ADAMTSL3: variants seen among roughly 807,000 people sequenced by gnomAD.
ADAMTSL3 encodes the protein ADAMTS like 3.
A neutral mutation model predicts 201.7 loss-of-function variants in ADAMTSL3; 128 were observed. The observed-to-expected ratio is 0.63, with a 90% CI of 0.55 to 0.73. ADAMTSL3 has a LOEUF of 0.73. Ranked by LOEUF, ADAMTSL3 falls within the 30% of genes least tolerant of loss-of-function variation. The pLI is 0.00. For missense variants in ADAMTSL3, 1,990 were observed against 2,119.6 expected, an observed-to-expected ratio of 0.94 and a Z score of 1.20; for synonymous variants, 738 against 748.4, an observed-to-expected ratio of 0.99 and a Z score of 0.23.
At chr15:83,864,439 T>G (rs1029864858) in intron 8 of ADAMTSL3, among the ~76,000 whole-genome samples, 1 of 152,166 alleles carries the variant, frequency 6.6e-6, no homozygotes, top group Non-Finnish European at 1.5e-5. Flanking sequence ...TTCATCCCTG[T>G]GATGCAAGGC....
intron 23 of ADAMTSL3, among the ~76,000 whole-genome samples, chr15:84,003,156 G>A (rs893614211): frequency 4.6e-5 from 7 of 151,462 alleles, no homozygotes; most frequent in Non-Finnish European, 5.9e-5. Context: ...TCGCTGTGCT[G>A]CCAAGGCTGG....
chr15:83,687,120 C>T (rs2061547953), intron 2 of ADAMTSL3, among the ~76,000 whole-genome samples: 1 of 152,132 alleles, frequency 6.6e-6, no homozygotes, highest in Non-Finnish European at 1.5e-5. Context: ...GGGGGAGTCC[C>T]TTGAGCCCAG....
At chr15:83,884,175 G>C (rs1027635915) in intron 9 of ADAMTSL3, among the ~76,000 whole-genome samples, 2 of 152,084 alleles carry the variant, frequency 1.3e-5, no homozygotes, top group African/African-American at 4.8e-5. Context: ...TTATAGGCGT[G>C]AGCCACTGTG....
At chr15:83,994,825 G>T (rs776419732) in intron 23 of ADAMTSL3, among the ~76,000 whole-genome samples, 14 of 147,520 alleles carry the variant, frequency 9.5e-5, no homozygotes, top group Non-Finnish European at 1.6e-4. Flanking sequence ...GCCCAGGCTG[G>T]TCTCGAACTC....
In ADAMTSL3 at chr15:83,884,338, C is replaced by CCTTTTTTTTTTTTTTT. The variant is rs1305026027; in HGVS notation, c.961-763_961-762insCTTTTTTTTTTTTTTT. Among the ~76,000 whole-genome samples, 3 of 114,486 alleles carry CCTTTTTTTTTTTTTTT rather than the reference C, an allele frequency of 2.6e-5. 1 individual carries two copies. Among genetic ancestry groups the CCTTTTTTTTTTTTTTT allele is most frequent in the Non-Finnish European group, 1.7e-5 (1 of 57,354 alleles). 75.1% of individuals were successfully genotyped at this position (114,486 alleles called of 152,430 possible). A position where few individuals can be genotyped will look rare whatever the true frequency, so the allele number is the denominator to read the frequency against. ...TGTTACCTCATTGGTGCCCTATTTC[C>CCTTTTTTTTTTTTTTT]TTTTTTTTTTTTTTTTTTTTTTGAG... On this transcript the variant is annotated intron_variant, in intron 9 of 29. Coordinates refer to ENST00000286744, the MANE Select transcript of ADAMTSL3 (RefSeq NM_207517.3).
At chr15:83,686,335 A>G (rs1184092632) in intron 2 of ADAMTSL3, among the ~76,000 whole-genome samples, 1 of 152,202 alleles carries the variant, frequency 6.6e-6, no homozygotes, top group African/African-American at 2.4e-5. Flanking sequence ...TGTGGTAATG[A>G]TGAGATATCA....
chr15:83,869,679 A>G (rs983062466), intron 8 of ADAMTSL3, among the ~76,000 whole-genome samples: 3 of 152,148 alleles, frequency 2.0e-5, no homozygotes, highest in Admixed American at 6.6e-5. Flanking sequence ...ATGCTGGACG[A>G]TTTTGTTGCA....
At chr15:83,814,384 A>G (rs1160689574) in intron 5 of ADAMTSL3, among the ~76,000 whole-genome samples, 3 of 152,150 alleles carry the variant, frequency 2.0e-5, no homozygotes, top group African/African-American at 7.2e-5. Context: ...CTTGCATTCA[A>G]GGACCTTCTT....
chr15:83,923,388 T>C (rs2066184138), intron 16 of ADAMTSL3, among the ~76,000 whole-genome samples: 1 of 152,248 alleles, frequency 6.6e-6, no homozygotes. Flanking sequence ...ACGTTACAAA[T>C]TACAGTCATA....
At chr15:83,970,760 C>T in intron 20 of ADAMTSL3, 123 bp downstream of exon 20, 1 of 1,264,968 alleles carries the variant, frequency 7.9e-7, no homozygotes, top group Non-Finnish European at 1.1e-6. Flanking sequence ...AAGCTGTACT[C>T]AGTGTTGTTT....
rs762757551 is a variant in ADAMTSL3 at position 83,863,990 on chromosome 15, A to T, written c.802+5150A>T. On this transcript the variant is annotated intron_variant, in intron 8 of 29. Transcript: ENST00000286744. ...TCAGAGAATACTATAAACACCTCTA[A>T]GCAAATAAACTAGAAAATCTAGAAG... is the stretch of plus-strand genomic sequence containing the variant. Among the ~76,000 whole-genome samples the T allele has an allele frequency of 1.8e-3, 270 of 152,134 alleles. 2 individuals are homozygous for T. Among genetic ancestry groups the T allele is most frequent in the Non-Finnish European group, 3.3e-3 (221 of 67,956 alleles).
intron 3 of ADAMTSL3, among the ~76,000 whole-genome samples, chr15:83,721,343 A>G (rs17158663): frequency 0.046 from 7,038 of 152,226 alleles, 495 homozygotes; most frequent in African/African-American, 0.16. Context: ...TTCATCAGCA[A>G]TCTTATTAAA....
At chr15:83,714,679 C>CCCTCCCTT (rs1430096696) in intron 3 of ADAMTSL3, among the ~76,000 whole-genome samples, 78 of 146,354 alleles carry the variant, frequency 5.3e-4, no homozygotes, top group Non-Finnish European at 1.1e-3. Context: ...CTCCCTCCCT[C>CCCTCCCTT]CCTCCCTTCC....
At position 84,016,492 on chromosome 15, in the gene ADAMTSL3, G is replaced by A. The variant is rs751834654; in HGVS notation, c.4266G>A (p.Pro1422=). ...TNSNDPTGEP[P]PQEPFWEPGN... ...GCAATGACCCAACAGGAGAACCCCC[G>A]CCTCAAGGTCTGGGATTTTGACCTT... The change falls in exon 25 of 30, where the codon CCG becomes CCA. Residue 1422 remains proline, a synonymous_variant. Transcript: ENST00000286744. 41 of 1,613,176 alleles carry A rather than the reference G, an allele frequency of 2.5e-5. No individual in the cohort carries two copies. Among genetic ancestry groups the A allele is most frequent in the South Asian group, 3.3e-5 (3 of 91,016 alleles).
At chr15:83,855,567 G>T (rs2064714310) in intron 7 of ADAMTSL3, among the ~76,000 whole-genome samples, 2 of 152,280 alleles carry the variant, frequency 1.3e-5, no homozygotes, top group Non-Finnish European at 2.9e-5. Context: ...AGTCTGCCAG[G>T]CTGCTGGTTT....
chr15:83,657,906 T>G (rs12591049), intron 2 of ADAMTSL3, among the ~76,000 whole-genome samples: 29,504 of 151,970 alleles, frequency 0.19, 4,129 homozygotes, highest in African/African-American at 0.39. Flanking sequence ...TTCCGTAGGG[T>G]CAGCCTGGGT....
intron 3 of ADAMTSL3, among the ~76,000 whole-genome samples, chr15:83,752,007 GA>G (rs2141673992): frequency 6.6e-6 from 1 of 152,316 alleles, no homozygotes; most frequent in African/African-American, 2.4e-5. Context: ...AGAATTTACA[GA>G]ATGCAATTTA....
chr15:83,918,551 A>G (rs1192802133), intron 16 of ADAMTSL3, among the ~76,000 whole-genome samples: 1 of 152,194 alleles, frequency 6.6e-6, no homozygotes, highest in Non-Finnish European at 1.5e-5. Flanking sequence ...TTTCCAGCAG[A>G]AAGAGCATAT....
intron 2 of ADAMTSL3, among the ~76,000 whole-genome samples, chr15:83,672,485 T>G (rs1339296483): frequency 6.6e-6 from 1 of 152,172 alleles, no homozygotes; most frequent in African/African-American, 2.4e-5. Context: ...TGACTGCCCA[T>G]TTGCTGGGTG....
Sources: allele counts gnomAD v4.1 joint callset (sites outside exome capture counted in the v4.1 genomes callset), GRCh38; gene constraint gnomAD v4.1.1; transcripts MANE v1.5; gene names NCBI Gene and HGNC (gene_info 2026-07-23, HGNC 2026-07-21).